The following CORO2B variants were observed in gnomAD, a reference collection of about 807,000 sequenced individuals.
CORO2B encodes the protein coronin-2B.
A neutral mutation model predicts 58.8 loss-of-function variants in CORO2B; 26 were observed. The observed-to-expected ratio is 0.44, with a 90% CI of 0.32 to 0.61. The LOEUF (loss-of-function observed/expected upper bound fraction) is 0.61, where lower values mean the gene tolerates loss of function less well. CORO2B is among the 20% of genes least tolerant of loss of function. The pLI is 0.04. For synonymous variants in CORO2B, 242 were observed against 253.8 expected (o/e 0.95, Z 0.44); for missense variants, 460 against 645.1 (o/e 0.71, Z 3.11).
intron 1 of CORO2B, among the ~76,000 whole-genome samples, chr15:68,616,225 C>T (rs534781345): frequency 1.1e-4 from 16 of 152,222 alleles, no homozygotes; most frequent in South Asian, 6.2e-4. Flanking sequence ...ATCACTGGAG[C>T]CTTCTCATAA....
chr15:68,525,080 A>G, the CORO2B span, among the ~76,000 whole-genome samples: 1 of 152,204 alleles, frequency 6.6e-6, no homozygotes, highest in Non-Finnish European at 1.5e-5. Flanking sequence ...GGTATAACTA[A>G]ATCAGCCAAA....
Position 68,725,824 on chromosome 15 carries a change from C to G in CORO2B, c.1312-19C>G, listed in dbSNP as rs1460308179. The G allele has an allele frequency of 5.6e-6, 9 of 1,612,830 alleles. No homozygotes were observed. The highest frequency in any genetic ancestry group is 6.8e-6 in the Non-Finnish European group (8 of 1,179,970). The stretch of plus-strand genomic sequence containing the variant: ...TCTCTCCTGGGCCCTCCTTGGCCCC[C>G]TCTCTTCCTCCACCCCAGCTCCTTC... On this transcript the variant is annotated intron_variant, in intron 11 of 11. Transcript: ENST00000261861.
upstream of CORO2B, among the ~76,000 whole-genome samples, chr15:68,576,476 T>C (rs1899290349): frequency 6.6e-6 from 1 of 152,184 alleles, no homozygotes; most frequent in Admixed American, 6.5e-5. Flanking sequence ...CAACGGCGGA[T>C]GGCGGGAAAG....
chr15:68,682,305 C>T (rs1001419609), intron 2 of CORO2B, among the ~76,000 whole-genome samples: 5 of 152,134 alleles, frequency 3.3e-5, no homozygotes, highest in Admixed American at 2.0e-4. Flanking sequence ...AGACCAGCAC[C>T]GTGGAGACCA....
At chr15:68,547,323 A>G in the CORO2B span, among the ~76,000 whole-genome samples, 1 of 152,224 alleles carries the variant, frequency 6.6e-6, no homozygotes, top group Admixed American at 6.5e-5. Flanking sequence ...ACCTGTACCC[A>G]TAATCATAGG....
the CORO2B span, among the ~76,000 whole-genome samples, chr15:68,564,122 C>T: frequency 6.7e-4 from 102 of 152,182 alleles, 1 homozygote; most frequent in Admixed American, 1.8e-3. Context: ...AAAACTTAGA[C>T]CATTGCTGTG....
chr15:68,723,963 G>C (rs1438121023), intron 11 of CORO2B, among the ~76,000 whole-genome samples: 3 of 151,940 alleles, frequency 2.0e-5, no homozygotes, highest in Non-Finnish European at 4.4e-5. Context: ...CCAGCACCTT[G>C]GGAGGCTGAG....
At chr15:68,644,723 G>A (rs746807430) in intron 1 of CORO2B, among the ~76,000 whole-genome samples, 7 of 152,128 alleles carry the variant, frequency 4.6e-5, no homozygotes, top group Non-Finnish European at 8.8e-5. Context: ...CCTGCTGTGG[G>A]CCCTGTCCTC....
chr15:68,598,345 G>A (rs565381814), intron 1 of CORO2B, among the ~76,000 whole-genome samples: 3 of 152,346 alleles, frequency 2.0e-5, no homozygotes, highest in South Asian at 2.1e-4. Flanking sequence ...GCACGTAAGC[G>A]TGTGCTTTGG....
chr15:68,575,343 T>C (rs1294152729), upstream of CORO2B, among the ~76,000 whole-genome samples: 1 of 86,196 alleles, frequency 1.2e-5, no homozygotes, highest in Non-Finnish European at 3.3e-5. Context: ...CACCTTTTTC[T>C]TTTTTTTTTT....
At chr15:68,714,476 CAT>C (rs1262377743) in intron 6 of CORO2B, 81 bp from the exon 7 acceptor site, 2 of 1,019,332 alleles carry the variant, frequency 2.0e-6, no homozygotes, top group Non-Finnish European at 3.1e-6. Context: ...AAGTAGTTGC[CAT>C]CCTAAGAGGC....
intron 2 of CORO2B, among the ~76,000 whole-genome samples, chr15:68,673,946 G>T (rs1902488951): frequency 6.6e-6 from 1 of 152,070 alleles, no homozygotes; most frequent in South Asian, 2.1e-4. Flanking sequence ...ATAAAAGAAG[G>T]GTTGACTTTT....
At chr15:68,530,281 C>T in the CORO2B span, among the ~76,000 whole-genome samples, 7 of 152,138 alleles carry the variant, frequency 4.6e-5, no homozygotes, top group East Asian at 5.8e-4. Flanking sequence ...GCCAAGATGG[C>T]GCCACCGCAC....
intron 3 of CORO2B, among the ~76,000 whole-genome samples, chr15:68,706,543 TA>T (rs1892790424): frequency 6.6e-6 from 1 of 152,218 alleles, no homozygotes. Context: ...CAGGGGCAAC[TA>T]TTCTACCTCA....
chr15:68,601,420 AT>A (rs1380444676), intron 1 of CORO2B, among the ~76,000 whole-genome samples: 1 of 152,202 alleles, frequency 6.6e-6, no homozygotes, highest in Non-Finnish European at 1.5e-5. Flanking sequence ...GGCACCGAGG[AT>A]AAAACGGTAA....
At chr15:68,628,818 C>T (rs1240406741) in intron 1 of CORO2B, among the ~76,000 whole-genome samples, 1 of 152,178 alleles carries the variant, frequency 6.6e-6, no homozygotes. Flanking sequence ...CCATTCATTC[C>T]CTGAGGCTAA....
rs985696591 is a variant in CORO2B, at chr15:68,632,728, C to G, written c.16-12432C>G. Among the ~76,000 whole-genome samples the G allele has an allele frequency of 2.6e-5, 4 of 152,128 alleles. No individual in the cohort carries two copies. The South Asian group carries it at 8.3e-4, about 32-fold the overall frequency. On this transcript the variant is annotated intron_variant, in intron 1 of 11. Transcript: ENST00000261861. Reference sequence around the variant, plus strand: ...ACCTCAGCCTCCTGAGTAGCTGGGACTATAGGTGCGCGCTAGCACGCTTGG... The same window carrying G: ...ACCTCAGCCTCCTGAGTAGCTGGGAGTATAGGTGCGCGCTAGCACGCTTGG...
chr15:68,521,432 A>G, the CORO2B span, among the ~76,000 whole-genome samples: 1 of 152,172 alleles, frequency 6.6e-6, no homozygotes, highest in Non-Finnish European at 1.5e-5. Flanking sequence ...TTAGTTCTAT[A>G]TATATTTTGA....
the CORO2B span, among the ~76,000 whole-genome samples, chr15:68,569,184 GTGT>G: frequency 6.6e-6 from 1 of 152,280 alleles, no homozygotes; most frequent in South Asian, 2.1e-4. Context: ...CTCACTGTTG[GTGT>G]TGTATATTCT....
Sources: gnomAD v4.1 joint callset for allele counts (sites outside exome capture counted in the v4.1 genomes callset) on GRCh38, gnomAD v4.1.1 for gene constraint, MANE v1.5 for transcripts, NCBI Gene and HGNC (gene_info 2026-07-23, HGNC 2026-07-21) for gene names.